The following HS6ST3 variants were observed in gnomAD, a reference collection of about 807,000 sequenced individuals.
HS6ST3 encodes heparan-sulfate 6-O-sulfotransferase 3.
HS6ST3 carries 12 observed loss-of-function variants against 36.7 expected under a neutral mutation model. The ratio of observed to expected loss-of-function variants is 0.33; its 90% CI spans 0.21 to 0.53. The LOEUF (loss-of-function observed/expected upper bound fraction) is 0.53. Among genes scored for constraint, HS6ST3 ranks in the 20% least tolerant of loss-of-function variants. The probability of loss-of-function intolerance (pLI) is 0.95; values close to 1 mark genes in which losing one functional copy is unlikely to be tolerated. For missense variants in HS6ST3, 584 were observed against 640.9 expected (o/e 0.91, Z 0.96); for synonymous variants, 240 against 257.5 (o/e 0.93, Z 0.65).
chr13:96,234,800 G>A (rs748824751), intron 1 of HS6ST3, among the ~76,000 whole-genome samples: 5 of 152,134 alleles, frequency 3.3e-5, no homozygotes, highest in Non-Finnish European at 7.4e-5. Context: ...ATATACCCAA[G>A]CTTGGCAAGG....
intron 1 of HS6ST3, among the ~76,000 whole-genome samples, chr13:96,392,384 G>A (rs1301623710): frequency 6.6e-6 from 1 of 152,212 alleles, no homozygotes; most frequent in Non-Finnish European, 1.5e-5. Flanking sequence ...GAGAGGATGA[G>A]GCCCCTGTCC....
intron 1 of HS6ST3, among the ~76,000 whole-genome samples, chr13:96,588,307 C>G (rs1447645260): frequency 6.6e-6 from 1 of 151,568 alleles, no homozygotes; most frequent in Non-Finnish European, 1.5e-5. Context: ...TTGTCTTGCT[C>G]TGAATCTTTG....
chr13:96,131,030 G>C lies in HS6ST3; in HGVS notation c.707+39461G>C, dbSNP rs563283024. Among the ~76,000 whole-genome samples the C allele has an allele frequency of 1.2e-4, 18 of 152,220 alleles. No individual in the cohort carries two copies. The East Asian group carries it at 2.1e-3, about 18-fold the overall frequency. On this transcript the variant is annotated intron_variant, in intron 1 of 1. Transcript: ENST00000376705. ...ACCAAGCAGAGTATTTGAGGGCCAGGGGGTGTCAGGGACTGCGTGAGCGAC... is the reference window on the plus strand; with the variant it reads ...ACCAAGCAGAGTATTTGAGGGCCAGCGGGTGTCAGGGACTGCGTGAGCGAC...
intron 1 of HS6ST3, among the ~76,000 whole-genome samples, chr13:96,411,984 ATTTCT>A (rs1162474605): frequency 2.6e-5 from 4 of 151,830 alleles, no homozygotes; most frequent in Non-Finnish European, 4.4e-5. Flanking sequence ...TATGCCTGGT[ATTTCT>A]TTTCTTTTCT....
chr13:96,603,489 G>A (rs2056428669), intron 1 of HS6ST3, among the ~76,000 whole-genome samples: 1 of 151,918 alleles, frequency 6.6e-6, no homozygotes, highest in Admixed American at 6.6e-5. Context: ...GTTATTTTTG[G>A]TATGAGTTTT....
chr13:96,489,090 C>A (rs1594791872), intron 1 of HS6ST3, among the ~76,000 whole-genome samples: 1 of 152,004 alleles, frequency 6.6e-6, no homozygotes, highest in East Asian at 1.9e-4. Flanking sequence ...GCATGTTAAC[C>A]AAACTATTCT....
chr13:96,831,954 C>CAAAAA lies in HS6ST3; in HGVS notation c.708-514_708-510dup, dbSNP rs35266831. Among the ~76,000 whole-genome samples the CAAAAA allele has an allele frequency of 2.7e-3, 59 of 21,844 alleles. 7 individuals carry two copies. The highest frequency in any genetic ancestry group is 6.1e-3 in the African/African-American group (33 of 5,418). 14.3% of individuals were successfully genotyped at this position (21,844 alleles called of 152,430 possible). A position where few individuals can be genotyped will look rare whatever the true frequency, so the allele number is the denominator to read the frequency against. Reference sequence around the variant, plus strand: ...TGGGTGACAGAGCAAGACTCCCTCTCAAAAAAAAAAAAAAAAAAAAAAAAA... The same window carrying CAAAAA: ...TGGGTGACAGAGCAAGACTCCCTCTCAAAAAAAAAAAAAAAAAAAAAAAAAAAAAA... On this transcript the variant is annotated intron_variant, in intron 1 of 1. Transcript: ENST00000376705.
intron 1 of HS6ST3, among the ~76,000 whole-genome samples, chr13:96,758,934 A>G (rs1876898096): frequency 6.6e-6 from 1 of 151,842 alleles, no homozygotes; most frequent in Non-Finnish European, 1.5e-5. Flanking sequence ...ATTTTCTATT[A>G]TCCTGAATTT....
intron 1 of HS6ST3, among the ~76,000 whole-genome samples, chr13:96,559,422 C>G (rs1292705270): frequency 6.6e-6 from 1 of 152,116 alleles, no homozygotes. Flanking sequence ...CCCGGCCAGT[C>G]AATTAAATTT....
intron 1 of HS6ST3, among the ~76,000 whole-genome samples, chr13:96,302,202 A>G (rs957654661): frequency 6.6e-6 from 1 of 152,164 alleles, no homozygotes; most frequent in Non-Finnish European, 1.5e-5. Context: ...CTATTTGACT[A>G]CCAACTCCCT....
At chr13:96,444,208 A>T (rs1035089914) in intron 1 of HS6ST3, among the ~76,000 whole-genome samples, 1 of 152,210 alleles carries the variant, frequency 6.6e-6, no homozygotes, top group African/African-American at 2.4e-5. Flanking sequence ...ATAAAAAATT[A>T]AAAAGAAATT....
intron 1 of HS6ST3, among the ~76,000 whole-genome samples, chr13:96,426,154 T>C (rs2055585819): frequency 6.6e-6 from 1 of 152,050 alleles, no homozygotes; most frequent in Non-Finnish European, 1.5e-5. Flanking sequence ...GCCACCTTGC[T>C]GTAAGACCCC....
intron 1 of HS6ST3, among the ~76,000 whole-genome samples, chr13:96,828,159 G>C (rs1183849470): frequency 1.3e-5 from 2 of 152,150 alleles, no homozygotes; most frequent in African/African-American, 4.8e-5. Flanking sequence ...AGCTCAGACT[G>C]TTCTGTCCTT....
intron 1 of HS6ST3, among the ~76,000 whole-genome samples, chr13:96,098,453 C>T (rs1358020930): frequency 6.6e-6 from 1 of 152,060 alleles, no homozygotes; most frequent in African/African-American, 2.4e-5. Flanking sequence ...TGGAGGAAAA[C>T]AATGACAAAT....
intron 1 of HS6ST3, among the ~76,000 whole-genome samples, chr13:96,424,504 C>A (rs2055576769): frequency 6.6e-6 from 1 of 152,140 alleles, no homozygotes; most frequent in African/African-American, 2.4e-5. Flanking sequence ...TAACAAAATA[C>A]CATCAACTGG....
At chr13:96,270,804 T>C (rs535222235) in intron 1 of HS6ST3, among the ~76,000 whole-genome samples, 12 of 151,950 alleles carry the variant, frequency 7.9e-5, no homozygotes, top group African/African-American at 2.7e-4. Context: ...CCCTCTCTCT[T>C]TGCACTGTGT....
intron 1 of HS6ST3, among the ~76,000 whole-genome samples, chr13:96,692,137 G>A (rs973532165): frequency 6.6e-6 from 1 of 152,040 alleles, no homozygotes; most frequent in South Asian, 2.1e-4. Context: ...TTCTCAGAAA[G>A]AAATAATTTC....
chr13:96,273,959 T>TCCTC (rs1298299529), intron 1 of HS6ST3, among the ~76,000 whole-genome samples: 2 of 90,438 alleles, frequency 2.2e-5, no homozygotes, highest in African/African-American at 8.9e-5. Flanking sequence ...CTTCCTTCCT[T>TCCTC]CCTCCCTCCC....
At chr13:96,696,698 A>C (rs912734409) in intron 1 of HS6ST3, among the ~76,000 whole-genome samples, 3 of 152,168 alleles carry the variant, frequency 2.0e-5, no homozygotes, top group African/African-American at 7.2e-5. Flanking sequence ...TGACCTTTAT[A>C]CTTGAGCAAA....
Sources: allele counts gnomAD v4.1 joint callset (sites outside exome capture counted in the v4.1 genomes callset), GRCh38; gene constraint gnomAD v4.1.1; transcripts MANE v1.5; gene names NCBI Gene and HGNC (gene_info 2026-07-23, HGNC 2026-07-21).